The following MAGEB16 variants were observed in gnomAD, a reference collection of about 807,000 sequenced individuals.
MAGEB16 encodes MAGE family member B16.
For synonymous variants in MAGEB16, 95 were observed against 92.1 expected (o/e 1.03, Z -0.18); for missense variants, 217 against 234.0 (o/e 0.93, Z 0.47).
chrX:35,802,752 C>G (rs756301474), exon 2 of MAGEB16: 1 of 1,211,509 alleles, frequency 8.3e-7, no homozygotes, highest in Admixed American at 2.2e-5. Flanking sequence ...CTTCATCAAA[C>G]TGGGCCTCAC....
intron 1 of MAGEB16, among the ~76,000 whole-genome samples, chrX:35,801,812 C>A (rs368638632): frequency 8.9e-6 from 1 of 112,805 alleles, no homozygotes; most frequent in Admixed American, 9.3e-5. Context: ...GGCACAGGCC[C>A]TATCAGGTGC....
chrX:35,802,536 G>A lies in MAGEB16; in HGVS notation c.340G>A (p.Asp114Asn), dbSNP rs200508397. Reference sequence around the variant, plus strand: ...CAGGAATGTGCCCGCAGATGCTCTCGACCAGAAAGTGGCTTTTTTGGTGAA... The same window carrying A: ...CAGGAATGTGCCCGCAGATGCTCTCAACCAGAAAGTGGCTTTTTTGGTGAA... The change falls in exon 2 of 2, where the codon GAC becomes AAC. Residue 114 changes from aspartate to asparagine, a missense_variant. Asp to Asn is a conservative substitution (Grantham distance 23). Transcript: ENST00000399988. 21 of 1,209,880 alleles carry A rather than the reference G, an allele frequency of 1.7e-5. No individual in the cohort carries two copies. In the African/African-American group the frequency reaches 3.3e-4, roughly 19 times the overall value.
exon 2 of MAGEB16, chrX:35,803,094 T>A: frequency 8.3e-7 from 1 of 1,209,695 alleles, no homozygotes; most frequent in Non-Finnish European, 1.1e-6. Flanking sequence ...AGTTCATGGG[T>A]CTTACCCACA....
At chrX:35,802,207 A>T in exon 2 of MAGEB16, 8 of 1,211,427 alleles carry the variant, frequency 6.6e-6, no homozygotes, top group Non-Finnish European at 6.7e-6. Context: ...ATGTCTCAGG[A>T]TCAGGAGAGT....
intron 1 of MAGEB16, among the ~76,000 whole-genome samples, chrX:35,800,271 C>T (rs1300512065): frequency 1.8e-5 from 2 of 111,336 alleles, no homozygotes; most frequent in Non-Finnish European, 3.8e-5. Context: ...ATGAGCTCCA[C>T]TCTGCCTCTG....
At chrX:35,802,957 T>C in exon 2 of MAGEB16, 1 of 1,211,846 alleles carries the variant, frequency 8.3e-7, no homozygotes, top group African/African-American at 1.7e-5. Flanking sequence ...ACCAAAGATT[T>C]TGTGAAGGAG....
chrX:35,802,772 G>C (rs1177583549), exon 2 of MAGEB16: 1 of 1,211,522 alleles, frequency 8.3e-7, no homozygotes, highest in Non-Finnish European at 1.1e-6. Context: ...CCTATGATGG[G>C]ATGCTGAGTG....
intron 1 of MAGEB16, among the ~76,000 whole-genome samples, chrX:35,799,692 T>C (rs1934846157): frequency 9.0e-6 from 1 of 111,404 alleles, no homozygotes; most frequent in Non-Finnish European, 1.9e-5. Context: ...AGATGAGACA[T>C]CCACACACTC....
chrX:35,798,993 C>A (rs1277628311), intron 1 of MAGEB16: 1 of 110,655 alleles, frequency 9.0e-6, no homozygotes, highest in African/African-American at 3.3e-5. Context: ...GCCTCAGCTT[C>A]CTGAGTAGCT....
At position 35,802,347 on chromosome X, in the gene MAGEB16, A is replaced by G. The variant is rs780593293; in HGVS notation, c.151A>G (p.Lys51Glu). The G allele has an allele frequency of 2.4e-5, 29 of 1,209,860 alleles. 2 individuals carry two copies. Among genetic ancestry groups the G allele is most frequent in the Non-Finnish European group, 1.9e-5 (17 of 894,640 alleles). The stretch of plus-strand genomic sequence containing the variant: ...CCATCCTCTAGTGCCTGGCAAACTG[A>G]AGGAAGCTCCTGCTGCTAAGGCAGA... Residue 51 changes from lysine (K) to glutamate (E), a missense_variant, in exon 2 of 2, where the codon AAG (lysine) becomes GAG (glutamate). Lys to Glu is a moderately conservative substitution (Grantham distance 56). Coordinates refer to ENST00000399988, the Ensembl canonical transcript of MAGEB16.
At chrX:35,798,932 G>T (rs1934837883) in intron 1 of MAGEB16, 1 of 111,414 alleles carries the variant, frequency 9.0e-6, no homozygotes, top group Non-Finnish European at 1.9e-5. Context: ...GTGCAGTGGT[G>T]TGATCTCGGC....
Position 35,803,117 on chromosome X carries a change from T to G in MAGEB16, c.921T>G (p.Ser307=). 4 of 1,204,542 alleles carry G rather than the reference T, an allele frequency of 3.3e-6. No homozygotes were observed. In the South Asian group the frequency reaches 7.2e-5, roughly 22 times the overall value. ...GGTCTTACCCACATTCTTTCCCATCTCAGTATGCGGAAGCTCTGAAAGAGG... is the reference window on the plus strand; with the variant it reads ...GGTCTTACCCACATTCTTTCCCATCGCAGTATGCGGAAGCTCTGAAAGAGG... The change falls in exon 2 of 2, where the codon TCT becomes TCG. Residue 307 remains serine, a synonymous_variant. Coordinates refer to ENST00000399988, the Ensembl canonical transcript of MAGEB16.
exon 2 of MAGEB16, chrX:35,802,384 A>C: frequency 8.3e-7 from 1 of 1,207,814 alleles, no homozygotes; most frequent in Non-Finnish European, 1.1e-6. Context: ...AGTCCTCTTG[A>C]GGTTCCTCAG....
chrX:35,802,193 C>T, exon 2 of MAGEB16: 1 of 1,211,259 alleles, frequency 8.3e-7, no homozygotes, highest in Non-Finnish European at 1.1e-6. Context: ...CCACAAGGGT[C>T]ATCATGTCTC....
intron 1 of MAGEB16, among the ~76,000 whole-genome samples, chrX:35,799,809 G>C (rs1339332314): frequency 9.0e-6 from 1 of 111,659 alleles, no homozygotes; most frequent in Admixed American, 9.5e-5. Flanking sequence ...TCTGGAACAG[G>C]GTGTTACCAT....
At position 35,802,083 on chromosome X, in the gene MAGEB16, G is replaced by T. The variant is rs745928641; in HGVS notation, c.-66-48G>T. On this transcript the variant is annotated intron_variant, in intron 1 of 1. Coordinates refer to ENST00000399988, the Ensembl canonical transcript of MAGEB16. ...AGTGGCTTCCATCAGAGCTACCGCA[G>T]TTGAGTTTACCAGCTGAGGACATTT... 4.0e-6 allele frequency: 4 copies of T among 997,558 alleles called. No homozygotes were observed. In the African/African-American group the frequency reaches 5.7e-5, roughly 14 times the overall value. 82.2% of individuals were successfully genotyped at this position (997,558 alleles called of 1,213,427 possible).
chrX:35,798,511 A>T (rs1201910809), intron 1 of MAGEB16, 93 bp downstream of exon 1: 5 of 111,572 alleles, frequency 4.5e-5, no homozygotes, highest in Non-Finnish European at 9.4e-5. Context: ...CTGGACTTTC[A>T]GGCTGAACCC....
intron 1 of MAGEB16, among the ~76,000 whole-genome samples, chrX:35,799,975 G>A (rs1386022314): frequency 3.6e-5 from 4 of 111,194 alleles, no homozygotes; most frequent in Non-Finnish European, 7.5e-5. Flanking sequence ...ATTCCCGGGT[G>A]CTTAAATGAT....
In MAGEB16 at chrX:35,801,433, C is replaced by G. The variant is rs945177254; in HGVS notation, c.-66-698C>G. 3.6e-5 allele frequency: 4 copies of G among 111,556 alleles called. No homozygotes were observed. The East Asian group carries it at 1.1e-3, about 32-fold the overall frequency. 9.2% of individuals were successfully genotyped at this position (111,556 alleles called of 1,213,427 possible). On this transcript the variant is annotated intron_variant, in intron 1 of 1. Transcript: ENST00000399988. ...CGAATGAAAACTAAGGGCCACCCAC[C>G]CCAGAAGAGCAGGGATTCTGAAGAC...
Sources: allele counts gnomAD v4.1 joint callset (sites outside exome capture counted in the v4.1 genomes callset), GRCh38; gene constraint gnomAD v4.1.1; transcripts MANE v1.5; gene names NCBI Gene and HGNC (gene_info 2026-07-23, HGNC 2026-07-21).